The following HMGN1 variants were observed in gnomAD, a reference collection of about 807,000 sequenced individuals.
HMGN1 encodes the protein high mobility group nucleosome binding domain 1, also known as non-histone chromosomal protein HMG-14.
In HMGN1, 9 loss-of-function variants were observed where a neutral mutation model predicts 18.4. The observed-to-expected ratio is 0.49, with a 90% CI of 0.29 to 0.85. The LOEUF (loss-of-function observed/expected upper bound fraction) is 0.85. Among genes scored for constraint, HMGN1 ranks in the 40% least tolerant of loss-of-function variants. HMGN1 has a pLI of 0.07. For missense variants in HMGN1, 151 were observed against 119.2 expected, an observed-to-expected ratio of 1.27 and a Z score of -1.24; for synonymous variants, 59 against 45.0, an observed-to-expected ratio of 1.31 and a Z score of -1.24.
chr21:39,345,109 T>TCACA lies in HMGN1; in HGVS notation c.255+33_255+36dup, dbSNP rs3067492. ...TATCTACTGTTCAGAGTCAAAGCAA[T>TCACA]CACACACACACACACACACACACAC... On this transcript the variant is annotated intron_variant, in intron 5 of 5. Coordinates refer to ENST00000380749, the MANE Select transcript of HMGN1 (RefSeq NM_004965.7). 2.0e-3 allele frequency: 2,878 copies of TCACA among 1,409,890 alleles called. 18 individuals carry two copies. Among genetic ancestry groups the TCACA allele is most frequent in the East Asian group, 5.2e-3 (206 of 39,426 alleles). The allele number at this position is 1,409,890 out of a possible 1,614,324, so 87.3% of individuals were successfully genotyped here.
intron 4 of HMGN1, chr21:39,347,015 G>A (rs1250235771): frequency 6.6e-6 from 1 of 152,098 alleles, no homozygotes; most frequent in Non-Finnish European, 1.5e-5. Context: ...CAAGAAAAAT[G>A]TAAAGAGGGA....
intron 5 of HMGN1, 51 bp downstream of exon 5, chr21:39,345,095 C>T: frequency 1.0e-6 from 1 of 986,886 alleles, no homozygotes; most frequent in East Asian, 2.9e-5. Context: ...ATCTACTGTT[C>T]AGAGTCAAAG....
intron 1 of HMGN1, 53 bp downstream of exon 1, chr21:39,348,850 G>T (rs1454515000): frequency 9.4e-7 from 1 of 1,062,130 alleles, no homozygotes; most frequent in Middle Eastern, 4.1e-4. Flanking sequence ...GGGGCCCGGC[G>T]GGGCGCCGGC....
intron 4 of HMGN1, chr21:39,347,356 GA>G (rs550073909): frequency 1.9e-6 from 2 of 1,077,762 alleles, no homozygotes; most frequent in Admixed American, 4.1e-5. Flanking sequence ...AATTAAAAAA[GA>G]AAAAACATCT....
At chr21:39,348,732 CA>C (rs1343666127) in intron 1 of HMGN1, 155 bp from the exon 2 acceptor site, 7 of 1,122,076 alleles carry the variant, frequency 6.2e-6, no homozygotes, top group Non-Finnish European at 8.3e-6. Flanking sequence ...CCAAACGTTC[CA>C]GAACGCCCGC....
At chr21:39,347,410 T>C in intron 4 of HMGN1, 2 of 1,257,374 alleles carry the variant, frequency 1.6e-6, no homozygotes, top group Non-Finnish European at 2.1e-6. Context: ...TTAGTAATTA[T>C]CCAACAACTC....
At chr21:39,348,639 C>G (rs1601562636) in intron 1 of HMGN1, 62 bp from the exon 2 acceptor site, 1 of 1,512,396 alleles carries the variant, frequency 6.6e-7, no homozygotes, top group Non-Finnish European at 8.8e-7. Context: ...CGGGCCCGCC[C>G]GGCCCCGAGA....
chr21:39,348,700 G>A (rs2037157769), intron 1 of HMGN1, 123 bp from the exon 2 acceptor site: 7 of 1,234,676 alleles, frequency 5.7e-6, no homozygotes, highest in Non-Finnish European at 7.6e-6. Flanking sequence ...CGTTCGAATA[G>A]CCCCCTCAGC....
intron 1 of HMGN1, 73 bp from the exon 2 acceptor site, chr21:39,348,650 A>C (rs1188998523): frequency 7.7e-5 from 114 of 1,488,024 alleles, no homozygotes; most frequent in Non-Finnish European, 9.9e-5. Context: ...GGCCCCGAGA[A>C]CAATGCCCGG....
At position 39,348,979 on chromosome 21, in the gene HMGN1, G is replaced by A. The variant is rs1002614922; in HGVS notation, c.-62C>T. The A allele has an allele frequency of 1.4e-5, 17 of 1,204,940 alleles. No individual in the cohort carries two copies. In the Admixed American group the frequency reaches 3.5e-4, roughly 25 times the overall value. 74.6% of individuals were successfully genotyped at this position (1,204,940 alleles called of 1,614,324 possible). ...GGGAAGGCGCGTGCCGGGTGCCTGC[G>A]GGCCGCGGCGCGCCGACAGCCTTCG... On this transcript the variant is annotated 5_prime_UTR_variant, in exon 1 of 6. Transcript: ENST00000380749.
At chr21:39,346,555 G>A (rs2037061705) in intron 4 of HMGN1, 1 of 152,062 alleles carries the variant, frequency 6.6e-6, no homozygotes, top group South Asian at 2.1e-4. Context: ...ATTATCAGCT[G>A]AAAAGCTAGA....
Position 39,348,435 on chromosome 21 carries a change from G to A in HMGN1, c.65C>T (p.Ala22Val), listed in dbSNP as rs760492978. ...AAKEEPKRRS[A>V]RLSAKPPAKV... ...CGCTTTACTTACAGCTGACAACCGC[G>A]CCGATCTCCTCTTGGGCTTGGAGAA... Residue 22 changes from alanine (A) to valine (V), a missense_variant, in exon 3 of 6, where the codon GCG (alanine) becomes GTG (valine). Physicochemically the swap from Ala to Val is moderately conservative, Grantham distance 64. Transcript: ENST00000380749. The A allele has an allele frequency of 6.2e-7, 1 of 1,614,060 alleles. No homozygotes were observed. The highest frequency in any genetic ancestry group is 2.2e-5 in the East Asian group (1 of 44,874).
At position 39,345,291 on chromosome 21, in the gene HMGN1, A is replaced by G; in HGVS notation, c.127-17T>C. 6.2e-7 allele frequency: 1 copy of G among 1,604,446 alleles called. No homozygotes were observed. On this transcript the variant is annotated splice_polypyrimidine_tract_variant and intron_variant, in intron 4 of 5. Coordinates refer to ENST00000380749, the MANE Select transcript of HMGN1 (RefSeq NM_004965.7). ...AGATTTATCCTATGATAGAATAAGA[A>G]TATATTTTAAGTACATGCTTTACTC...
intron 4 of HMGN1, 27 bp from the exon 5 acceptor site, chr21:39,345,301 A>C: frequency 6.3e-7 from 1 of 1,594,908 alleles, no homozygotes; most frequent in Non-Finnish European, 8.6e-7. Flanking sequence ...ATATATTTTA[A>C]GTACATGCTT....
chr21:39,343,444 C>T (rs138532910), intron 5 of HMGN1, among the ~76,000 whole-genome samples: 3 of 152,272 alleles, frequency 2.0e-5, no homozygotes, highest in Non-Finnish European at 2.9e-5. Context: ...GCTCTAATGC[C>T]GTAAACAACT....
intron 1 of HMGN1, 131 bp downstream of exon 1, chr21:39,348,772 C>T (rs1031537113): frequency 3.5e-5 from 37 of 1,063,566 alleles, no homozygotes; most frequent in Non-Finnish European, 4.2e-5. Context: ...CTCGCCTGCC[C>T]GCCCGCCGGT....
rs1209023700 is a variant in HMGN1, at chr21:39,348,950, T to C, written c.-33A>G. 7 of 1,194,614 alleles carry C rather than the reference T, an allele frequency of 5.9e-6. No homozygotes were observed. In the East Asian group the frequency reaches 2.1e-4, roughly 36 times the overall value. 74.0% of individuals were successfully genotyped at this position (1,194,614 alleles called of 1,614,324 possible). A position where few individuals can be genotyped will look rare whatever the true frequency, so the allele number is the denominator to read the frequency against. ...GCGGGGAAGGCGCGTGCCGGGTGCC[T>C]GCGGGGAAGGCGCGTGCCGGGTGCC... On this transcript the variant is annotated 5_prime_UTR_variant, in exon 1 of 6. Coordinates refer to ENST00000380749, the MANE Select transcript of HMGN1 (RefSeq NM_004965.7).
rs1177748190 is a variant in HMGN1 at position 39,348,908 on chromosome 21, TC to T, written c.9del (p.Arg4GlyfsTer202). On this transcript the variant is annotated frameshift_variant, in exon 1 of 6. Transcript: ENST00000380749. LOFTEE classifies it high-confidence loss of function. MP[K>X]RKVSSAEGAA... ...GGGCCGCGGCCGCCGCTCACCTTCC[TC>T]TTGGGCATCGTGGCGGCGGGGAAGG... 2 of 1,174,516 alleles carry T rather than the reference TC, an allele frequency of 1.7e-6. No homozygotes were observed. Among genetic ancestry groups the T allele is most frequent in the Non-Finnish European group, 2.1e-6 (2 of 954,646 alleles). 72.8% of individuals were successfully genotyped at this position (1,174,516 alleles called of 1,614,324 possible).
rs1217610580 is a variant in HMGN1, at chr21:39,345,256, T to C, written c.145A>G (p.Lys49Glu). 6.2e-7 allele frequency: 1 copy of C among 1,613,336 alleles called. No homozygotes were observed. The highest frequency in any genetic ancestry group is 1.3e-5 in the African/African-American group (1 of 74,924). ...AAAKDKSSDK[K>E]VQTKGKRGAK... ...CCCCTTTTCCCTTTTGTTTGCACTT[T>C]TTTGTCTGAAGATTTATCCTATGAT... is the stretch of plus-strand genomic sequence containing the variant. The change falls in exon 5 of 6, where the codon AAA becomes GAA. Residue 49 changes from lysine to glutamate, a missense_variant. By Grantham distance (56) the Lys-to-Glu change is moderately conservative. Transcript: ENST00000380749.
Sources: allele counts gnomAD v4.1 joint callset (sites outside exome capture counted in the v4.1 genomes callset), GRCh38; gene constraint gnomAD v4.1.1; transcripts MANE v1.5; gene names NCBI Gene and HGNC (gene_info 2026-07-23, HGNC 2026-07-21).